The following AKR1E2 variants were observed in gnomAD, a reference collection of about 807,000 sequenced individuals.
AKR1E2 encodes the protein aldo-keto reductase family 1 member E2, also known as 1,5-anhydro-D-fructose reductase.
In AKR1E2, 43 loss-of-function variants were observed where a neutral mutation model predicts 41.9. The ratio of observed to expected loss-of-function variants is 1.03; its 90% CI spans 0.80 to 1.32. The LOEUF (loss-of-function observed/expected upper bound fraction) is 1.32, where lower values mean the gene tolerates loss of function less well. AKR1E2 is among the 40% of genes most tolerant of loss of function. The pLI, the probability that AKR1E2 is intolerant of heterozygous loss-of-function variation, is 0.00. For missense variants in AKR1E2, 423 were observed against 396.5 expected (o/e 1.07, Z -0.57); for synonymous variants, 121 against 138.9 (o/e 0.87, Z 0.91).
chr10:4,863,017 T>A, the AKR1E2 span, among the ~76,000 whole-genome samples: 11 of 152,002 alleles, frequency 7.2e-5, no homozygotes, highest in East Asian at 1.9e-3. Context: ...AATGGGAGAC[T>A]TTAACACCCC....
chr10:4,852,492 A>T (rs540863698), downstream of AKR1E2, among the ~76,000 whole-genome samples: 259 of 152,314 alleles, frequency 1.7e-3, no homozygotes, highest in Non-Finnish European at 2.9e-3. Context: ...TAGCTCCATC[A>T]ATGGAAGGAG....
At chr10:4,826,472 T>G (rs1195194957) in intron 1 of AKR1E2, 109 bp downstream of exon 1, 2 of 1,028,650 alleles carry the variant, frequency 1.9e-6, no homozygotes, top group Non-Finnish European at 2.5e-6. Flanking sequence ...CGGCCTCCCC[T>G]CCGCCTGGCC....
chr10:4,832,812 G>T (rs761196669), intron 2 of AKR1E2, among the ~76,000 whole-genome samples: 11 of 151,966 alleles, frequency 7.2e-5, no homozygotes, highest in Non-Finnish European at 1.3e-4. Flanking sequence ...TTATGTCACA[G>T]TCAATAAAAG....
intron 2 of AKR1E2, 99 bp from the exon 3 acceptor site, chr10:4,833,251 C>T (rs1432326893): frequency 1.1e-6 from 1 of 884,072 alleles, no homozygotes; most frequent in Non-Finnish European, 1.9e-6. Context: ...CTCATCTTGG[C>T]TATTTTGGGT....
At chr10:4,842,186 G>T (rs369523892) in intron 7 of AKR1E2, among the ~76,000 whole-genome samples, 7 of 152,056 alleles carry the variant, frequency 4.6e-5, no homozygotes, top group Non-Finnish European at 8.8e-5. Context: ...ATGTCCAGTG[G>T]GGGGCTGGGC....
downstream of AKR1E2, chr10:4,848,201 C>G (rs1424783058): frequency 6.6e-6 from 1 of 152,186 alleles, no homozygotes; most frequent in African/African-American, 2.4e-5. Context: ...CCTCAGCCCC[C>G]CAAGTAGCTG....
intron 5 of AKR1E2, among the ~76,000 whole-genome samples, chr10:4,838,373 A>G: frequency 6.6e-6 from 1 of 152,220 alleles, no homozygotes. Context: ...GTGATTGTAG[A>G]TAGTGCTCTC....
chr10:4,846,997 G>T, intron 8 of AKR1E2, 151 bp from the exon 9 acceptor site: 1 of 806,456 alleles, frequency 1.2e-6, no homozygotes, highest in Non-Finnish European at 1.9e-6. Context: ...AATCCAGGCT[G>T]TGATTCAGGG....
chr10:4,830,131 C>T (rs77094243), intron 1 of AKR1E2, among the ~76,000 whole-genome samples: 2,422 of 152,276 alleles, frequency 0.016, 62 homozygotes, highest in African/African-American at 0.056. Context: ...TGCAAACCCG[C>T]CCACCCCCAT....
intron 4 of AKR1E2, 37 bp from the exon 5 acceptor site, chr10:4,837,422 C>T (rs1407562086): frequency 9.3e-6 from 15 of 1,608,138 alleles, no homozygotes; most frequent in Non-Finnish European, 1.1e-5. Context: ...GTGCAGTAGA[C>T]AGAAGCTTCA....
In AKR1E2 at chr10:4,826,307, G is replaced by A; in HGVS notation, c.-18G>A. The A allele has an allele frequency of 2.4e-6, 3 of 1,233,132 alleles. No individual in the cohort carries two copies. The highest frequency in any genetic ancestry group is 3.0e-6 in the Non-Finnish European group (3 of 987,246). The allele number at this position is 1,233,132 out of a possible 1,614,324, so 76.4% of individuals were successfully genotyped here. A position where few individuals can be genotyped will look rare whatever the true frequency, so the allele number is the denominator to read the frequency against. ...TCGCGTGCGGGGCGGCGGGGCGGCGGGGCGGCCGGCGGCGGCCATGGGAGA... is the reference window on the plus strand; with the variant it reads ...TCGCGTGCGGGGCGGCGGGGCGGCGAGGCGGCCGGCGGCGGCCATGGGAGA... On this transcript the variant is annotated 5_prime_UTR_variant, in exon 1 of 10. Coordinates refer to ENST00000298375, the MANE Select transcript of AKR1E2 (RefSeq NM_001040177.3).
chr10:4,833,968 C>T (rs1453508965), intron 3 of AKR1E2, among the ~76,000 whole-genome samples: 1 of 152,224 alleles, frequency 6.6e-6, no homozygotes, highest in Admixed American at 6.5e-5. Context: ...AATTGCTTCA[C>T]AGTGTGTCTG....
the AKR1E2 span, among the ~76,000 whole-genome samples, chr10:4,868,862 G>C: frequency 6.6e-6 from 1 of 152,060 alleles, no homozygotes; most frequent in Admixed American, 6.6e-5. Flanking sequence ...CATTGAACCA[G>C]CCCTGTATCC....
rs1041070850 is a variant in AKR1E2 at position 4,847,650 on chromosome 10, CAG to C, written c.*123_*124del. ...GTGCCTGGGACAGGAGCCACACAGT[CAG>C]AGGGGGATGTAAGAGCCACCTTCTC... On this transcript the variant is annotated 3_prime_UTR_variant, in exon 10 of 10. Transcript: ENST00000298375. 61 of 1,190,904 alleles carry C rather than the reference CAG, an allele frequency of 5.1e-5. No homozygotes were observed. The highest frequency in any genetic ancestry group is 7.0e-5 in the Non-Finnish European group (58 of 826,486). The allele number at this position is 1,190,904 out of a possible 1,614,324, so 73.8% of individuals were successfully genotyped here.
the AKR1E2 span, among the ~76,000 whole-genome samples, chr10:4,853,258 C>T: frequency 6.6e-6 from 1 of 152,144 alleles, no homozygotes; most frequent in South Asian, 2.1e-4. Context: ...ATATCTGAGT[C>T]TGCATTCAAT....
intron 8 of AKR1E2, among the ~76,000 whole-genome samples, chr10:4,844,184 T>C (rs1463466124): frequency 6.6e-6 from 1 of 152,088 alleles, no homozygotes; most frequent in Non-Finnish European, 1.5e-5. Flanking sequence ...GTTTCTTCCT[T>C]CTGGTGGGTT....
upstream of AKR1E2, among the ~76,000 whole-genome samples, chr10:4,825,966 T>G (rs78832739): frequency 0.053 from 8,134 of 152,272 alleles, 257 homozygotes; most frequent in Non-Finnish European, 0.068. Context: ...TTGTAAAACC[T>G]TCCCTGCTCC....
At chr10:4,831,039 A>G (rs535063517) in intron 2 of AKR1E2, among the ~76,000 whole-genome samples, 197 bp downstream of exon 2, 3 of 152,370 alleles carry the variant, frequency 2.0e-5, no homozygotes, top group Non-Finnish European at 4.4e-5. Flanking sequence ...TCATTCAGGT[A>G]GGAGTACACA....
intron 3 of AKR1E2, among the ~76,000 whole-genome samples, chr10:4,834,148 A>T (rs541642723): frequency 2.6e-5 from 4 of 152,340 alleles, no homozygotes; most frequent in East Asian, 3.9e-4. Flanking sequence ...CTGATCACAC[A>T]GTTGACACCT....
Sources: gnomAD v4.1 joint callset for allele counts (sites outside exome capture counted in the v4.1 genomes callset) on GRCh38, gnomAD v4.1.1 for gene constraint, MANE v1.5 for transcripts, NCBI Gene and HGNC (gene_info 2026-07-23, HGNC 2026-07-21) for gene names.